SIK2: variants seen among roughly 807,000 people sequenced by gnomAD.
SIK2 encodes the protein salt inducible kinase 2, also known as serine/threonine-protein kinase SIK2.
A neutral mutation model predicts 103.2 loss-of-function variants in SIK2; 29 were observed. The ratio of observed to expected loss-of-function variants is 0.28; its 90% CI spans 0.21 to 0.38. The LOEUF is 0.38. Among genes scored for constraint, SIK2 ranks in the 10% least tolerant of loss-of-function variants. SIK2 has a pLI of 1.00. For synonymous variants in SIK2, 412 were observed against 446.1 expected (o/e 0.92, Z 0.96); for missense variants, 879 against 1,171.0 (o/e 0.75, Z 3.64).
chr11:111,666,916 G>T (rs1942550325), intron 3 of SIK2, among the ~76,000 whole-genome samples: 1 of 151,690 alleles, frequency 6.6e-6, no homozygotes, highest in Admixed American at 6.6e-5. Context: ...ACAGTTCCAA[G>T]ATGTAGTCAT....
chr11:111,633,909 TC>T (rs778746151), intron 3 of SIK2, among the ~76,000 whole-genome samples: 17 of 152,164 alleles, frequency 1.1e-4, no homozygotes, highest in Non-Finnish European at 2.1e-4. Flanking sequence ...CTACATTTTT[TC>T]CTCTGGAATC....
intron 3 of SIK2, among the ~76,000 whole-genome samples, chr11:111,645,637 G>A (rs1942245319): frequency 6.6e-6 from 1 of 151,740 alleles, no homozygotes; most frequent in Non-Finnish European, 1.5e-5. Flanking sequence ...CCTGACCAAC[G>A]TGGAGAAACC....
At chr11:111,611,836 T>C (rs1011429129) in intron 1 of SIK2, among the ~76,000 whole-genome samples, 3 of 152,232 alleles carry the variant, frequency 2.0e-5, no homozygotes, top group Admixed American at 2.0e-4. Context: ...TTATACTATG[T>C]TGAGAACTAA....
At chr11:111,667,488 CTT>C (rs565449284) in intron 3 of SIK2, among the ~76,000 whole-genome samples, 293 of 105,388 alleles carry the variant, frequency 2.8e-3, no homozygotes, top group East Asian at 8.2e-3. Context: ...TGTTGGTTAT[CTT>C]TTTTTTTTTT....
intron 8 of SIK2, among the ~76,000 whole-genome samples, chr11:111,706,291 A>C (rs1284942040): frequency 6.6e-6 from 1 of 152,222 alleles, no homozygotes; most frequent in East Asian, 1.9e-4. Context: ...TATGACTTAG[A>C]GATGACTCTG....
intron 3 of SIK2, among the ~76,000 whole-genome samples, chr11:111,677,379 T>C (rs1942716425): frequency 6.6e-6 from 1 of 152,108 alleles, no homozygotes; most frequent in Admixed American, 6.6e-5. Flanking sequence ...ATGACATCTC[T>C]TCTATTATTG....
chr11:111,615,075 G>T (rs1408135783), intron 1 of SIK2, among the ~76,000 whole-genome samples: 1 of 152,046 alleles, frequency 6.6e-6, no homozygotes, highest in Non-Finnish European at 1.5e-5. Flanking sequence ...GGAGGCGGAG[G>T]TTGCAGTGAG....
At position 111,669,222 on chromosome 11, in the gene SIK2, G is replaced by A. The variant is rs537803271; in HGVS notation, c.317-18779G>A. Among the ~76,000 whole-genome samples the A allele has an allele frequency of 3.9e-5, 6 of 152,276 alleles. No individual in the cohort carries two copies. In the South Asian group the frequency reaches 6.2e-4, roughly 16 times the overall value. On this transcript the variant is annotated intron_variant, in intron 3 of 14. Transcript: ENST00000304987. ...TTAAGAGTTTGGACAGGGTGAGAGA[G>A]AGAGTGTGTGTGAGCATGCTAGAGG...
chr11:111,720,055 T>C, intron 10 of SIK2, 52 bp downstream of exon 10: 1 of 1,546,914 alleles, frequency 6.5e-7, no homozygotes, highest in Non-Finnish European at 8.8e-7. Flanking sequence ...CATGTCATAC[T>C]CCAATTGCCA....
chr11:111,637,274 A>G (rs1942120313), intron 3 of SIK2, among the ~76,000 whole-genome samples: 1 of 151,874 alleles, frequency 6.6e-6, no homozygotes, highest in Non-Finnish European at 1.5e-5. Context: ...TTCTTTTAAA[A>G]TAACACTCTT....
At position 111,703,357 on chromosome 11, in the gene SIK2, G is replaced by A; in HGVS notation, c.882G>A (p.Gly294=). ...AGCAAGAAAATGAGCCATCCATCGG[G>A]GAGTTTAATGAGCAGGTTCTGCGAC... ...PQEQENEPSI[G]EFNEQVLRLM... is the part of the protein sequence containing the mutation. Residue 294 remains glycine (G), a synonymous_variant, in exon 7 of 15, where the codon GGG becomes GGA. Coordinates refer to ENST00000304987, the MANE Select transcript of SIK2 (RefSeq NM_015191.3). 6.2e-7 allele frequency: 1 copy of A among 1,614,088 alleles called. No individual in the cohort carries two copies. The highest frequency in any genetic ancestry group is 1.1e-5 in the South Asian group (1 of 91,078).
rs1943838084 is a variant in SIK2, at chr11:111,722,679, G to A, written c.2070G>A (p.Leu690=). Residue 690 remains leucine, a synonymous_variant, in exon 14 of 15, where the codon CTG becomes CTA. Transcript: ENST00000304987. The surrounding 1 kb of genome is among the most constrained non-coding windows in gnomAD (Gnocchi z 4.4). ...TGCTCTTCCAGAAGCCCAGCCTTCT[G>A]TCAAAGGCCCAGAACACCTGTCAGC... ...LQHRLQKPSL[L]SKAQNTCQLY... 10 of 1,613,904 alleles carry A rather than the reference G, an allele frequency of 6.2e-6. No homozygotes were observed. The highest frequency in any genetic ancestry group is 8.5e-6 in the Non-Finnish European group (10 of 1,179,976).
intron 8 of SIK2, among the ~76,000 whole-genome samples, chr11:111,711,175 G>C (rs1485364452): frequency 1.3e-5 from 2 of 150,862 alleles, no homozygotes; most frequent in Non-Finnish European, 2.9e-5. Context: ...CTGGAGTGCA[G>C]TGGCGGGATC....
In SIK2 at chr11:111,703,213, C is replaced by G; in HGVS notation, c.738C>G (p.His246Gln). ...IPYFMSEDCE[H>Q]LIRRMLVLDP... ...TTGTGTTTTCTATAGATTGCGAGCA[C>G]CTTATCCGAAGGATGTTGGTCCTAG... The change falls in exon 7 of 15, where the codon CAC becomes CAG. Residue 246 changes from histidine (H) to glutamine (Q), a missense_variant. By Grantham distance (24) the His-to-Gln change is conservative (BLOSUM62 0). This residue lies in a region of SIK2 where 99 missense variants were observed against 153.9 expected (regional missense o/e 0.64). Transcript: ENST00000304987. 2 of 1,614,058 alleles carry G rather than the reference C, an allele frequency of 1.2e-6. No homozygotes were observed. Among genetic ancestry groups the G allele is most frequent in the Non-Finnish European group, 1.7e-6 (2 of 1,179,990 alleles).
chr11:111,612,690 A>G (rs1310957306), intron 1 of SIK2, among the ~76,000 whole-genome samples: 5 of 152,172 alleles, frequency 3.3e-5, no homozygotes, highest in African/African-American at 1.2e-4. Context: ...CACACATTAA[A>G]GATATTAAAG....
At chr11:111,706,923 G>A (rs1177816973) in intron 8 of SIK2, among the ~76,000 whole-genome samples, 3 of 145,352 alleles carry the variant, frequency 2.1e-5, no homozygotes, top group East Asian at 2.0e-4. Flanking sequence ...TCCCGCCACT[G>A]CACTCCAGCC....
At position 111,727,277 on chromosome 11, in the gene SIK2, G is replaced by A. The variant is rs1944004383; in HGVS notation, c.*3148G>A. On this transcript the variant is annotated 3_prime_UTR_variant, in exon 15 of 15. Coordinates refer to ENST00000304987, the MANE Select transcript of SIK2 (RefSeq NM_015191.3). ...CCAGGGGAGTGGGGATGGGGCTCAGGGGCTGTTCATGCCCATCTGAGCAAA... is the reference window on the plus strand; with the variant it reads ...CCAGGGGAGTGGGGATGGGGCTCAGAGGCTGTTCATGCCCATCTGAGCAAA... 1 of 586,496 alleles carries A rather than the reference G, an allele frequency of 1.7e-6. No homozygotes were observed. The highest frequency in any genetic ancestry group is 2.1e-5 in the South Asian group (1 of 47,288). 36.3% of individuals were successfully genotyped at this position (586,496 alleles called of 1,614,324 possible).
At chr11:111,610,458 T>C (rs1941707500) in intron 1 of SIK2, among the ~76,000 whole-genome samples, 2 of 146,824 alleles carry the variant, frequency 1.4e-5, no homozygotes, top group African/African-American at 2.5e-5. Flanking sequence ...ACCACTGCAC[T>C]CCAGCAGTGA....
intron 3 of SIK2, among the ~76,000 whole-genome samples, chr11:111,679,268 C>T (rs1203636356): frequency 6.6e-6 from 1 of 152,100 alleles, no homozygotes; most frequent in Admixed American, 6.6e-5. Context: ...TCATGAAAGT[C>T]AATTGTAAAT....
Sources: gnomAD v4.1 joint callset for allele counts (sites outside exome capture counted in the v4.1 genomes callset) on GRCh38, gnomAD v4.1.1 for gene constraint, gnomAD v4.1.1 regional missense constraint, Gnocchi (gnomAD v3.1) non-coding constraint, MANE v1.5 for transcripts, NCBI Gene and HGNC (gene_info 2026-07-23, HGNC 2026-07-21) for gene names.